Variants in LIPC observed in about 807,000 individuals in gnomAD.
The protein encoded by LIPC is hepatic triacylglycerol lipase.
Under a neutral mutation model 50.7 loss-of-function variants are expected in LIPC, and 44 were observed. The ratio of observed to expected loss-of-function variants is 0.87; its 90% CI spans 0.68 to 1.11. LIPC has a LOEUF of 1.11. LIPC is among the 50% of genes most tolerant of loss of function. The pLI is 0.00. For synonymous variants in LIPC, 271 were observed against 256.4 expected, an observed-to-expected ratio of 1.06 and a Z score of -0.54; for missense variants, 697 against 648.2, an observed-to-expected ratio of 1.08 and a Z score of -0.82.
At chr15:58,491,792 C>G in intron 1 of LIPC, among the ~76,000 whole-genome samples, 1 of 152,208 alleles carries the variant, frequency 6.6e-6, no homozygotes, top group East Asian at 1.9e-4. Context: ...TCATCCCTGG[C>G]CTGACCTAAG....
intron 1 of LIPC, among the ~76,000 whole-genome samples, chr15:58,446,422 A>T (rs554706937): frequency 5.9e-5 from 9 of 152,144 alleles, no homozygotes; most frequent in Non-Finnish European, 1.2e-4. Flanking sequence ...ATTTTATACT[A>T]TCCAATATCC....
chr15:58,454,073 A>C (rs1894017704), intron 1 of LIPC, among the ~76,000 whole-genome samples: 1 of 152,182 alleles, frequency 6.6e-6, no homozygotes, highest in South Asian at 2.1e-4. Flanking sequence ...TGACAAGCCC[A>C]AGGTCACACA....
chr15:58,548,258 C>T (rs1893606088), intron 5 of LIPC, 72 bp from the exon 6 acceptor site: 1 of 1,609,794 alleles, frequency 6.2e-7, no homozygotes, highest in East Asian at 2.2e-5. Flanking sequence ...GGGATGAGAA[C>T]CAAGGTGATC....
chr15:58,511,734 G>T (rs746727295), intron 1 of LIPC, among the ~76,000 whole-genome samples: 1 of 152,166 alleles, frequency 6.6e-6, no homozygotes, highest in East Asian at 1.9e-4. Context: ...ATAGAGAAAG[G>T]TCTATGAATA....
intron 6 of LIPC, among the ~76,000 whole-genome samples, chr15:58,559,658 G>A (rs1894083675): frequency 6.6e-6 from 1 of 151,126 alleles, no homozygotes; most frequent in Admixed American, 6.6e-5. Context: ...GTAAGCCAAG[G>A]TGGCACTGCA....
intron 1 of LIPC, among the ~76,000 whole-genome samples, chr15:58,520,685 T>A (rs1309311927): frequency 6.6e-6 from 1 of 152,220 alleles, no homozygotes; most frequent in Non-Finnish European, 1.5e-5. Context: ...AGAGCCGCTG[T>A]ATACCATCTG....
intron 5 of LIPC, 89 bp from the exon 6 acceptor site, chr15:58,548,241 C>T: frequency 6.3e-7 from 1 of 1,583,480 alleles, no homozygotes; most frequent in Non-Finnish European, 8.7e-7. Context: ...TACTGCTAAC[C>T]TCCTGTGGGA....
Position 58,568,814 on chromosome 15 carries a change from G to A in LIPC, c.1487G>A (p.Arg496Gln), listed in dbSNP as rs1300645619. ...GAAATAAAGTCTAAAACATCAAAGCGAAAGATCAGATGAGATTTAATGAAG... is the reference window on the plus strand; with the variant it reads ...GAAATAAAGTCTAAAACATCAAAGCAAAAGATCAGATGAGATTTAATGAAG... ...KCEIKSKTSKRKIR is the reference protein window; with the variant it reads ...KCEIKSKTSKQKIR Residue 496 changes from arginine to glutamine, a missense_variant, in exon 9 of 9, where the codon CGA becomes CAA. Transcript: ENST00000299022. 1.0e-5 allele frequency: 16 copies of A among 1,590,984 alleles called. No individual in the cohort carries two copies. The highest frequency in any genetic ancestry group is 1.1e-5 in the Non-Finnish European group (13 of 1,161,230).
At chr15:58,526,789 A>G (rs767749251) in intron 1 of LIPC, among the ~76,000 whole-genome samples, 5 of 152,228 alleles carry the variant, frequency 3.3e-5, no homozygotes, top group Non-Finnish European at 7.3e-5. Flanking sequence ...CCCCTGGACT[A>G]GATATTTCAT....
chr15:58,557,607 G>C (rs534098574), intron 6 of LIPC, among the ~76,000 whole-genome samples: 1 of 151,822 alleles, frequency 6.6e-6, no homozygotes, highest in Non-Finnish European at 1.5e-5. Flanking sequence ...GGATGGTCTC[G>C]ATCTGTTGAC....
chr15:58,435,377 G>C (rs1893258975), intron 1 of LIPC: 1 of 152,136 alleles, frequency 6.6e-6, no homozygotes. Context: ...GATCTCCCTG[G>C]GGCCTTGGCC....
chr15:58,510,569 A>C (rs1278998016), intron 1 of LIPC, among the ~76,000 whole-genome samples: 1 of 152,248 alleles, frequency 6.6e-6, no homozygotes, highest in East Asian at 1.9e-4. Context: ...GTGCACATGC[A>C]AGAGGATTGC....
chr15:58,507,267 A>C (rs571554886), intron 1 of LIPC, among the ~76,000 whole-genome samples: 2 of 152,298 alleles, frequency 1.3e-5, no homozygotes, highest in Admixed American at 1.3e-4. Flanking sequence ...AGAGAAATAT[A>C]CTTTTCTTTT....
At chr15:58,493,259 C>T (rs1891645787) in intron 1 of LIPC, among the ~76,000 whole-genome samples, 1 of 152,118 alleles carries the variant, frequency 6.6e-6, no homozygotes, top group Non-Finnish European at 1.5e-5. Context: ...CTCCTCCCGC[C>T]AGCACTCCAC....
At position 58,541,877 on chromosome 15, in the gene LIPC, G is replaced by C. The variant is rs758840719; in HGVS notation, c.366G>C (p.Trp122Cys). 1 of 1,612,540 alleles carries C rather than the reference G, an allele frequency of 6.2e-7. No individual in the cohort carries two copies. The highest frequency in any genetic ancestry group is 2.2e-5 in the East Asian group (1 of 44,880). Residue 122 changes from tryptophan (W) to cysteine (C), a missense_variant, in exon 3 of 9, where the codon TGG (tryptophan) becomes TGC (cysteine). By Grantham distance (215) the Trp-to-Cys change is radical. Transcript: ENST00000299022. Reference protein sequence around the residue: ...AQPVNVGLVDWITLAHDHYTI... With the variant: ...AQPVNVGLVDCITLAHDHYTI... The stretch of plus-strand genomic sequence containing the variant: ...CAGTGAACGTGGGGCTGGTGGACTG[G>C]ATCACCCTGGCCCACGACCACTACA...
intron 1 of LIPC, among the ~76,000 whole-genome samples, chr15:58,513,788 C>G (rs1005076686): frequency 1.3e-5 from 2 of 152,178 alleles, no homozygotes; most frequent in Admixed American, 1.3e-4. Context: ...CATCTATGTC[C>G]TGGCTCCACT....
intron 1 of LIPC, among the ~76,000 whole-genome samples, chr15:58,524,100 T>C (rs1312060223): frequency 3.3e-5 from 5 of 152,102 alleles, no homozygotes; most frequent in African/African-American, 7.2e-5. Context: ...TAACCACTTA[T>C]ATTCATCTCA....
chr15:58,455,712 C>G (rs1267274431), intron 1 of LIPC, among the ~76,000 whole-genome samples: 1 of 152,132 alleles, frequency 6.6e-6, no homozygotes, highest in Non-Finnish European at 1.5e-5. Flanking sequence ...CAAAAGTATT[C>G]TGTGAAAATC....
chr15:58,480,791 C>T (rs936172902), intron 1 of LIPC, among the ~76,000 whole-genome samples: 73 of 152,314 alleles, frequency 4.8e-4, no homozygotes, highest in African/African-American at 1.7e-3. Flanking sequence ...GACAATTCTT[C>T]TTCCAATGTG....
Sources: gnomAD v4.1 joint callset for allele counts (sites outside exome capture counted in the v4.1 genomes callset) on GRCh38, gnomAD v4.1.1 for gene constraint, MANE v1.5 for transcripts, NCBI Gene and HGNC (gene_info 2026-07-23, HGNC 2026-07-21) for gene names.